NKAIN3: variants seen among roughly 807,000 people sequenced by gnomAD.
The protein encoded by NKAIN3 is sodium/potassium transporting ATPase interacting 3.
In NKAIN3, 25 loss-of-function variants were observed where a neutral mutation model predicts 30.2. The ratio of observed to expected loss-of-function variants is 0.83; its 90% CI spans 0.60 to 1.16. The LOEUF is 1.16. Among genes scored for constraint, NKAIN3 ranks in the 50% most tolerant of loss-of-function variants. NKAIN3 has a pLI of 0.00. For missense variants in NKAIN3, 225 were observed against 254.1 expected, an observed-to-expected ratio of 0.89 and a Z score of 0.78; for synonymous variants, 91 against 89.6, an observed-to-expected ratio of 1.02 and a Z score of -0.09.
rs1009451743 is a variant in NKAIN3 at position 62,694,695 on chromosome 8, G to T, written c.274-52237G>T. Among the ~76,000 whole-genome samples, 12 of 152,038 alleles carry T rather than the reference G, an allele frequency of 7.9e-5. 1 individual carries two copies. The highest frequency in any genetic ancestry group is 2.9e-4 in the African/African-American group (12 of 41,384). On this transcript the variant is annotated intron_variant, in intron 3 of 6. Coordinates refer to ENST00000623646, the MANE Select transcript of NKAIN3 (RefSeq NM_001304533.3). ...CCTGGATTCTTGAACTAAACTACCT[G>T]GTTACCCTGCTGTTAGTTCCTGACC...
intron 4 of NKAIN3, among the ~76,000 whole-genome samples, chr8:62,837,554 G>A (rs181676249): frequency 5.3e-5 from 8 of 152,172 alleles, no homozygotes; most frequent in Admixed American, 4.6e-4. Flanking sequence ...CCCACACATC[G>A]TGCCAGTTCT....
chr8:62,935,267 T>C (rs1002390047), intron 5 of NKAIN3, among the ~76,000 whole-genome samples: 6 of 152,158 alleles, frequency 3.9e-5, no homozygotes, highest in Admixed American at 3.3e-4. Context: ...CATTATGTAA[T>C]CCTACATTAG....
intron 4 of NKAIN3, chr8:62,855,270 A>G: frequency 2.1e-6 from 1 of 475,750 alleles, no homozygotes; most frequent in African/African-American, 2.0e-5. Context: ...GCCTGGCCAC[A>G]GTGTGGAAGG....
intron 4 of NKAIN3, among the ~76,000 whole-genome samples, chr8:62,833,230 C>T (rs1402658291): frequency 6.6e-6 from 1 of 151,950 alleles, no homozygotes; most frequent in Non-Finnish European, 1.5e-5. Context: ...AAACCTACAT[C>T]AAGAAGTTAG....
chr8:62,937,114 A>G (rs1554594271), intron 5 of NKAIN3, among the ~76,000 whole-genome samples: 1 of 141,366 alleles, frequency 7.1e-6, no homozygotes, highest in Non-Finnish European at 1.5e-5. Flanking sequence ...CAGTTGACCA[A>G]AAACCCTTCA....
intron 1 of NKAIN3, among the ~76,000 whole-genome samples, chr8:62,368,270 A>C (rs1032581129): frequency 6.6e-6 from 1 of 152,188 alleles, no homozygotes; most frequent in Admixed American, 6.6e-5. Context: ...AAAAAGAACA[A>C]AGCTTGAAAT....
intron 1 of NKAIN3, 87 bp from the exon 2 acceptor site, chr8:62,579,452 G>C: frequency 9.9e-7 from 1 of 1,012,182 alleles, no homozygotes. Context: ...AGTTGAATAT[G>C]CAGACTCCTC....
intron 1 of NKAIN3, among the ~76,000 whole-genome samples, chr8:62,396,588 G>A (rs548715487): frequency 1.3e-5 from 2 of 152,128 alleles, no homozygotes; most frequent in Non-Finnish European, 2.9e-5. Context: ...AACAATTGTG[G>A]CTCTTAATTT....
chr8:62,692,682 A>T (rs1205672156), intron 3 of NKAIN3, among the ~76,000 whole-genome samples: 1 of 152,134 alleles, frequency 6.6e-6, no homozygotes, highest in Non-Finnish European at 1.5e-5. Context: ...TCTAATGTTT[A>T]TTCTTCACTG....
chr8:62,338,413 C>T (rs1585696747), intron 1 of NKAIN3, among the ~76,000 whole-genome samples: 4 of 151,982 alleles, frequency 2.6e-5, no homozygotes, highest in Admixed American at 2.6e-4. Context: ...ACAAATCTTC[C>T]ATTATGGAAC....
At chr8:62,830,652 C>G (rs1433020143) in intron 4 of NKAIN3, among the ~76,000 whole-genome samples, 3 of 152,160 alleles carry the variant, frequency 2.0e-5, no homozygotes, top group Non-Finnish European at 1.5e-5. Flanking sequence ...CACTCCAAGC[C>G]CAGGCACTTG....
At chr8:62,319,203 G>A (rs1485556529) in intron 1 of NKAIN3, among the ~76,000 whole-genome samples, 9 of 151,886 alleles carry the variant, frequency 5.9e-5, no homozygotes, top group Admixed American at 1.3e-4. Context: ...TTTTTATTGC[G>A]TCTATTTTAT....
rs527824094 is a variant in NKAIN3, at chr8:62,646,135, C to T, written c.273+56341C>T. On this transcript the variant is annotated intron_variant, in intron 3 of 6. Coordinates refer to ENST00000623646, the MANE Select transcript of NKAIN3 (RefSeq NM_001304533.3). ...AAATCAAATGGCGTTTTCCCTCATTCTGGAAAAAAAAAAAAAAAAACAGAT... is the reference window on the plus strand; with the variant it reads ...AAATCAAATGGCGTTTTCCCTCATTTTGGAAAAAAAAAAAAAAAAACAGAT... Among the ~76,000 whole-genome samples the T allele has an allele frequency of 8.6e-5, 12 of 139,876 alleles. No homozygotes were observed. In the East Asian group the frequency reaches 2.5e-3, roughly 29 times the overall value. The allele number at this position is 139,876 out of a possible 152,430, so 91.8% of individuals were successfully genotyped here.
At chr8:62,305,668 C>T (rs1469148970) in intron 1 of NKAIN3, among the ~76,000 whole-genome samples, 1 of 150,360 alleles carries the variant, frequency 6.7e-6, no homozygotes, top group African/African-American at 2.5e-5. Flanking sequence ...GTCTAAACAC[C>T]ATGGTGTCTC....
At chr8:62,888,293 G>T (rs1323665169) in intron 4 of NKAIN3, among the ~76,000 whole-genome samples, 1 of 152,148 alleles carries the variant, frequency 6.6e-6, no homozygotes, top group Non-Finnish European at 1.5e-5. Flanking sequence ...ATTTCAAAAC[G>T]GTTTCTTTTC....
chr8:62,731,777 G>A (rs575932911), intron 3 of NKAIN3, among the ~76,000 whole-genome samples: 94 of 152,254 alleles, frequency 6.2e-4, no homozygotes, highest in African/African-American at 2.2e-3. Flanking sequence ...TCAGATCAAG[G>A]ACAGACTACC....
intron 1 of NKAIN3, among the ~76,000 whole-genome samples, chr8:62,476,742 A>G (rs1806532970): frequency 6.6e-6 from 1 of 152,096 alleles, no homozygotes; most frequent in Admixed American, 6.6e-5. Context: ...GGCGTGAGCT[A>G]CCATACCCGG....
At chr8:62,539,288 G>A (rs1397639708) in intron 1 of NKAIN3, among the ~76,000 whole-genome samples, 1 of 152,172 alleles carries the variant, frequency 6.6e-6, no homozygotes, top group Admixed American at 6.5e-5. Flanking sequence ...TCATCATTAA[G>A]GGGAAAGTTA....
chr8:62,538,793 A>G (rs967443132), intron 1 of NKAIN3, among the ~76,000 whole-genome samples: 1 of 152,142 alleles, frequency 6.6e-6, no homozygotes, highest in Non-Finnish European at 1.5e-5. Context: ...AGTTTTTCCT[A>G]CTACCTTGAA....
Sources: gnomAD v4.1 joint callset for allele counts (sites outside exome capture counted in the v4.1 genomes callset) on GRCh38, gnomAD v4.1.1 for gene constraint, MANE v1.5 for transcripts, NCBI Gene and HGNC (gene_info 2026-07-23, HGNC 2026-07-21) for gene names.